The following LAMB2 variants were observed in gnomAD, a reference collection of about 807,000 sequenced individuals.
LAMB2 encodes the protein laminin subunit beta-2.
Under a neutral mutation model 202.7 loss-of-function variants are expected in LAMB2, and 119 were observed. The observed-to-expected ratio is 0.59, with a 90% confidence interval of 0.51 to 0.68. LAMB2 has a LOEUF of 0.68. LAMB2 is among the 30% of genes least tolerant of loss of function. LAMB2 has a pLI of 0.00. For synonymous variants in LAMB2, 818 were observed against 902.2 expected (o/e 0.91, Z 1.67); for missense variants, 2,124 against 2,410.6 (o/e 0.88, Z 2.49).
At position 49,123,772 on chromosome 3, in the gene LAMB2, T is replaced by C. The variant is rs771365551; in HGVS notation, c.3753A>G (p.Ser1251=). Residue 1251 remains serine (S), a synonymous_variant, in exon 24 of 32, where the codon TCA becomes TCG. Transcript: ENST00000305544. ...VQGIVGARNT[S]AASTAQLVEA... ...CCACAAGCTGTGCAGTGGAGGCGGC[T>C]GAGGTGTTGCGGGCACCTACGATGC... The C allele has an allele frequency of 2.5e-5, 40 of 1,613,266 alleles. No homozygotes were observed. Among genetic ancestry groups the C allele is most frequent in the Non-Finnish European group, 3.4e-5 (40 of 1,180,032 alleles).
Position 49,130,260 on chromosome 3 carries a change from T to C in LAMB2, c.1196A>G (p.Lys399Arg), listed in dbSNP as rs749901949. 24 of 1,614,236 alleles carry C rather than the reference T, an allele frequency of 1.5e-5. No individual in the cohort carries two copies. Among genetic ancestry groups the C allele is most frequent in the Non-Finnish European group, 1.9e-5 (23 of 1,180,040 alleles). ...GCACACAGCCGGATCCCGCAGGTCC[T>C]TGGTTGGGTCACGGTAGAAGAAGGG... ...CRPFFYRDPT[K>R]DLRDPAVCRS... Residue 399 changes from lysine to arginine, a missense_variant, in exon 9 of 32, where the codon AAG becomes AGG. Lys to Arg is a conservative substitution (Grantham distance 26). Coordinates refer to ENST00000305544, the MANE Select transcript of LAMB2 (RefSeq NM_002292.4). The surrounding 1 kb of genome is among the most constrained non-coding windows in gnomAD (Gnocchi z 5.0).
chr3:49,132,305 G>C lies in LAMB2; in HGVS notation c.350C>G (p.Pro117Arg), dbSNP rs756338774. ...CTGCCACCAGGCTGCCCGCCGCTGT[G>C]GTGCAAAGCTGGTGACTACATTCTG... ...RIQNVVTSFA[P>R]QRRAAWWQSE... Residue 117 changes from proline to arginine, a missense_variant, in exon 3 of 32, where the codon CCA becomes CGA. Physicochemically the swap from Pro to Arg is moderately radical, Grantham distance 103. Coordinates refer to ENST00000305544, the MANE Select transcript of LAMB2 (RefSeq NM_002292.4). The surrounding 1 kb of genome is among the most constrained non-coding windows in gnomAD (Gnocchi z 4.6). 42 of 1,614,136 alleles carry C rather than the reference G, an allele frequency of 2.6e-5. No homozygotes were observed. The South Asian group carries it at 4.6e-4, about 18-fold the overall frequency.
In LAMB2 at chr3:49,128,527, G is replaced by T. The variant is rs777022967; in HGVS notation, c.1949C>A (p.Ala650Asp). Residue 650 changes from alanine to aspartate, a missense_variant, in exon 15 of 32, where the codon GCC (alanine) becomes GAC (aspartate). Ala to Asp is a moderately radical substitution (Grantham distance 126, BLOSUM62 -2). Around this residue, in one of 3 missense-constraint regions of LAMB2, gnomAD observed 1,702 missense variants for 1,896.3 expected, o/e 0.90. Transcript: ENST00000305544. ...LIVQRPGPVP[A>D]HSLCGHLVPK... ...CACCAAATGCCCACACAGGCTGTGG[G>T]CAGGCACAGGCCCTGGACGCTGCAC... is the stretch of plus-strand genomic sequence containing the variant. 12 of 1,614,088 alleles carry T rather than the reference G, an allele frequency of 7.4e-6. No homozygotes were observed. Among genetic ancestry groups the T allele is most frequent in the Non-Finnish European group, 1.0e-5 (12 of 1,180,036 alleles).
rs139821983 is a variant in LAMB2, at chr3:49,124,264, C to T, written c.3350G>A (p.Arg1117His). 35 of 1,613,762 alleles carry T rather than the reference C, an allele frequency of 2.2e-5. No individual in the cohort carries two copies. The highest frequency in any genetic ancestry group is 2.4e-5 in the Non-Finnish European group (28 of 1,179,936). ...CNEFTGQCHC[R>H]AGFGGRTCSE... ...ACAAGTCCGCCCTCCAAAGCCGGCA[C>T]GGCAGTGGCACTGCCCTGTGAACTG... Residue 1117 changes from arginine (R) to histidine (H), a missense_variant, in exon 23 of 32, where the codon CGT becomes CAT. Arg to His is a conservative substitution (Grantham distance 29, BLOSUM62 0). Coordinates refer to ENST00000305544, the MANE Select transcript of LAMB2 (RefSeq NM_002292.4).
chr3:49,125,786 C>A lies in LAMB2; in HGVS notation c.2449G>T (p.Ala817Ser). 1 of 1,614,076 alleles carries A rather than the reference C, an allele frequency of 6.2e-7. No individual in the cohort carries two copies. Among genetic ancestry groups the A allele is most frequent in the Non-Finnish European group, 8.5e-7 (1 of 1,180,008 alleles). ...GVVGRRCDLC[A>S]PGYYGFGPTG... is the part of the protein sequence containing the mutation. The stretch of plus-strand genomic sequence containing the variant: ...GGGCCAAAGCCATAGTAGCCAGGGG[C>A]ACAGAGGTCACAGCGGCGCCCAACC... Residue 817 changes from alanine (A) to serine (S), a missense_variant, in exon 18 of 32, where the codon GCC becomes TCC. Transcript: ENST00000305544.
Position 49,125,906 on chromosome 3 carries a change from T to C in LAMB2, c.2345-16A>G, listed in dbSNP as rs571872952. On this transcript the variant is annotated splice_polypyrimidine_tract_variant and intron_variant, in intron 17 of 31. Transcript: ENST00000305544. ...CACTGACATGCTGTGGGGAGGAGGG[T>C]TGGGCCAAGTCAGGCTGGGTCCCCA... is the stretch of plus-strand genomic sequence containing the variant. 5.9e-5 allele frequency: 96 copies of C among 1,613,576 alleles called. No homozygotes were observed. The highest frequency in any genetic ancestry group is 8.1e-5 in the Non-Finnish European group (95 of 1,179,918).
At position 49,131,159 on chromosome 3, in the gene LAMB2, CGG is replaced by C. The variant is rs745849815; in HGVS notation, c.713-9_713-8del. 3 of 1,612,980 alleles carry C rather than the reference CGG, an allele frequency of 1.9e-6. No individual in the cohort carries two copies. Among genetic ancestry groups the C allele is most frequent in the Non-Finnish European group, 8.5e-7 (1 of 1,179,884 alleles). On this transcript the variant is annotated splice_region_variant and splice_polypyrimidine_tract_variant and intron_variant, in intron 6 of 31. Coordinates refer to ENST00000305544, the MANE Select transcript of LAMB2 (RefSeq NM_002292.4). This position sits in a 1 kb window ranked among gnomAD's most constrained non-coding sequence, Gnocchi z 5.0. ...TTGGTGATCTTCAACAGGTCTGAGG[CGG>C]GGGAAGGGGGGCCAACTGACCAGGC...
Position 49,121,142 on chromosome 3 carries a change from C to T in LAMB2, c.*84G>A. The T allele has an allele frequency of 2.6e-6, 4 of 1,542,360 alleles. No homozygotes were observed. Among genetic ancestry groups the T allele is most frequent in the Non-Finnish European group, 2.7e-6 (3 of 1,126,098 alleles). ...GGGTTCACACTGGTTTATTGGGGGCCCTGCCGGGCCAAGAGCTCTTCAGTG... is the reference window on the plus strand; with the variant it reads ...GGGTTCACACTGGTTTATTGGGGGCTCTGCCGGGCCAAGAGCTCTTCAGTG... On this transcript the variant is annotated 3_prime_UTR_variant, in exon 32 of 32. Coordinates refer to ENST00000305544, the MANE Select transcript of LAMB2 (RefSeq NM_002292.4).
In LAMB2 at chr3:49,124,754, C is replaced by T; in HGVS notation, c.3056G>A (p.Cys1019Tyr). 1.2e-6 allele frequency: 2 copies of T among 1,614,204 alleles called. No homozygotes were observed. The highest frequency in any genetic ancestry group is 2.2e-5 in the South Asian group (2 of 91,088). ...ATGGAAGCCAGGCTTGCAGTGGGCA[C>T]AGTGTGGACCCTCTGTGTGGTGTAA... ...RCLHHTEGPH[C>Y]AHCKPGFHGQ... Residue 1019 changes from cysteine to tyrosine, a missense_variant, in exon 21 of 32, where the codon TGT (cysteine) becomes TAT (tyrosine). Coordinates refer to ENST00000305544, the MANE Select transcript of LAMB2 (RefSeq NM_002292.4).
intron 23 of LAMB2, 37 bp from the exon 24 acceptor site, chr3:49,124,137 G>A: frequency 1.2e-6 from 2 of 1,614,176 alleles, no homozygotes; most frequent in Non-Finnish European, 1.7e-6. Context: ...TAGGGTCACT[G>A]TGGGGCATTC....
Position 49,129,441 on chromosome 3 carries a change from C to A in LAMB2, c.1519-117G>T, listed in dbSNP as rs1330656874. 8.9e-7 allele frequency: 1 copy of A among 1,124,650 alleles called. No homozygotes were observed. Among genetic ancestry groups the A allele is most frequent in the Non-Finnish European group, 1.3e-6 (1 of 758,250 alleles). The allele number at this position is 1,124,650 out of a possible 1,614,324, so 69.7% of individuals were successfully genotyped here. A position where few individuals can be genotyped will look rare whatever the true frequency, so the allele number is the denominator to read the frequency against. ...TCACCCCTCAGTGAAAACATGCCCC[C>A]CAGACCACTGGCCCACATCCTTGGC... On this transcript the variant is annotated intron_variant, in intron 11 of 31. Coordinates refer to ENST00000305544, the MANE Select transcript of LAMB2 (RefSeq NM_002292.4). The surrounding 1 kb of genome is among the most constrained non-coding windows in gnomAD (Gnocchi z 6.1).
intron 15 of LAMB2, among the ~76,000 whole-genome samples, chr3:49,126,870 T>A (rs1253394306): frequency 1.3e-5 from 2 of 152,184 alleles, no homozygotes; most frequent in Non-Finnish European, 2.9e-5. Context: ...CCCTCTCTCT[T>A]TGTCTCCAAG....
In LAMB2 at chr3:49,125,733, G is replaced by A; in HGVS notation, c.2488+14C>T. ...AGAGAGAAGCATAGGAGGGAACAAGGGGCAGAAGAGTACCTTGACAGCCTG... is the reference window on the plus strand; with the variant it reads ...AGAGAGAAGCATAGGAGGGAACAAGAGGCAGAAGAGTACCTTGACAGCCTG... On this transcript the variant is annotated intron_variant, in intron 18 of 31. Transcript: ENST00000305544. 1 of 1,613,144 alleles carries A rather than the reference G, an allele frequency of 6.2e-7. No homozygotes were observed. Among genetic ancestry groups the A allele is most frequent in the East Asian group, 2.2e-5 (1 of 44,838 alleles).
In LAMB2 at chr3:49,126,054, C is replaced by T. The variant is rs1402035078; in HGVS notation, c.2257G>A (p.Gly753Ser). Reference sequence around the variant, plus strand: ...GGAGAAGTCTTGCTGGGCACCAGACCCTCCTCATGGCATTGGTAGCGTTCA... The same window carrying T: ...GGAGAAGTCTTGCTGGGCACCAGACTCTCCTCATGGCATTGGTAGCGTTCA... ...TFERYQCHEE[G>S]LVPSKTSPSE... Residue 753 changes from glycine to serine, a missense_variant, in exon 17 of 32, where the codon GGT becomes AGT. Coordinates refer to ENST00000305544, the MANE Select transcript of LAMB2 (RefSeq NM_002292.4). 1.2e-6 allele frequency: 2 copies of T among 1,614,144 alleles called. No individual in the cohort carries two copies. The highest frequency in any genetic ancestry group is 1.7e-6 in the Non-Finnish European group (2 of 1,180,020).
Position 49,121,715 on chromosome 3 carries a change from C to CT in LAMB2, c.5068dup (p.Ser1690LysfsTer10). ...AGCCTCCTGGGCACGACCCTGGGCACTGCCTGCCGTTTCTTCTGCTGTAGA... is the reference window on the plus strand; with the variant it reads ...AGCCTCCTGGGCACGACCCTGGGCACTTGCCTGCCGTTTCTTCTGCTGTAGA... On this transcript the variant is annotated frameshift_variant, in exon 30 of 32. Coordinates refer to ENST00000305544, the MANE Select transcript of LAMB2 (RefSeq NM_002292.4). LOFTEE classifies it high-confidence loss of function. 1 of 1,614,052 alleles carries CT rather than the reference C, an allele frequency of 6.2e-7. No individual in the cohort carries two copies.
At position 49,128,323 on chromosome 3, in the gene LAMB2, G is replaced by A. The variant is rs571901078; in HGVS notation, c.2018+135C>T. On this transcript the variant is annotated intron_variant, in intron 15 of 31. Transcript: ENST00000305544. ...ACAGAGCCATGCCCAACAGGGCCTGGCAACCAGCATTCTGGAGGTATTTGA... is the reference window on the plus strand; with the variant it reads ...ACAGAGCCATGCCCAACAGGGCCTGACAACCAGCATTCTGGAGGTATTTGA... The A allele has an allele frequency of 5.9e-6, 7 of 1,190,716 alleles. No homozygotes were observed. The South Asian group carries it at 9.0e-5, about 15-fold the overall frequency. 73.8% of individuals were successfully genotyped at this position (1,190,716 alleles called of 1,614,324 possible). A position where few individuals can be genotyped will look rare whatever the true frequency, so the allele number is the denominator to read the frequency against.
Position 49,131,430 on chromosome 3 carries a change from C to A in LAMB2, c.661G>T (p.Val221Leu), listed in dbSNP as rs748711014. 6 of 1,614,098 alleles carry A rather than the reference C, an allele frequency of 3.7e-6. No homozygotes were observed. The highest frequency in any genetic ancestry group is 5.1e-6 in the Non-Finnish European group (6 of 1,180,018). ...PSTEGEVIYR[V>L]LDPAIPIPDP... ...GGGATAGGGATGGCAGGGTCCAGCA[C>A]ACGATAGATGACCTGGAGAAGCAGG... is the stretch of plus-strand genomic sequence containing the variant. Residue 221 changes from valine to leucine, a missense_variant, in exon 6 of 32, where the codon GTG becomes TTG. Transcript: ENST00000305544. The surrounding 1 kb of genome is among the most constrained non-coding windows in gnomAD (Gnocchi z 5.0).
In LAMB2 at chr3:49,130,624, C is replaced by T; in HGVS notation, c.1036+116G>A. The T allele has an allele frequency of 6.6e-7, 1 of 1,518,674 alleles. No individual in the cohort carries two copies. The highest frequency in any genetic ancestry group is 9.1e-7 in the Non-Finnish European group (1 of 1,103,828). 94.1% of individuals were successfully genotyped at this position (1,518,674 alleles called of 1,614,324 possible). ...GGGTCCCAAGGGGCATCAAGGTCTG[C>T]ATACTCTTTGGATACAGCCTGGGTT... On this transcript the variant is annotated intron_variant, in intron 8 of 31. Transcript: ENST00000305544. This position sits in a 1 kb window ranked among gnomAD's most constrained non-coding sequence, Gnocchi z 5.0.
chr3:49,132,669 G>A lies in LAMB2; in HGVS notation c.77-6C>T. 1 of 1,614,196 alleles carries A rather than the reference G, an allele frequency of 6.2e-7. No homozygotes were observed. Among genetic ancestry groups the A allele is most frequent in the African/African-American group, 1.3e-5 (1 of 75,068 alleles). ...TGCCAGTGTGGCAGCCAGCACTGGG[G>A]ACAGTAGCTCAGTCAGTTCCGCTGA... On this transcript the variant is annotated splice_polypyrimidine_tract_variant and splice_region_variant and intron_variant, in intron 1 of 31. Coordinates refer to ENST00000305544, the MANE Select transcript of LAMB2 (RefSeq NM_002292.4). The surrounding 1 kb of genome is among the most constrained non-coding windows in gnomAD (Gnocchi z 4.6).
Sources: allele counts gnomAD v4.1 joint callset (sites outside exome capture counted in the v4.1 genomes callset), GRCh38; gene constraint gnomAD v4.1.1; regional missense constraint gnomAD v4.1.1; non-coding constraint Gnocchi (gnomAD v3.1); transcripts MANE v1.5; gene names NCBI Gene and HGNC (gene_info 2026-07-23, HGNC 2026-07-21).